The following GABRA3 variants were observed in gnomAD, a reference collection of about 807,000 sequenced individuals.
GABRA3 encodes the protein gamma-aminobutyric acid receptor subunit alpha-3.
A neutral mutation model predicts 30.1 loss-of-function variants in GABRA3; 10 were observed. The observed-to-expected ratio is 0.33, with a 90% CI of 0.20 to 0.56. The LOEUF is 0.56. Among genes scored for constraint, GABRA3 ranks in the 20% least tolerant of loss-of-function variants. The pLI is 0.89. For missense variants in GABRA3, 233 were observed against 392.0 expected (o/e 0.59, Z 3.42); for synonymous variants, 151 against 146.8 (o/e 1.03, Z -0.21).
At chrX:152,320,586 G>T (rs751726381) in intron 3 of GABRA3, among the ~76,000 whole-genome samples, 1 of 111,250 alleles carries the variant, frequency 9.0e-6, no homozygotes, top group East Asian at 2.8e-4. Context: ...GGGTGGAAGG[G>T]AGTGAGGAAT....
At chrX:152,345,094 G>C (rs1237432207) in intron 3 of GABRA3, among the ~76,000 whole-genome samples, 2 of 111,091 alleles carry the variant, frequency 1.8e-5, no homozygotes, top group Admixed American at 9.7e-5. Context: ...TCAGGGTTTT[G>C]AAAACAAAGG....
chrX:152,196,112 C>T (rs1937381531), intron 8 of GABRA3, among the ~76,000 whole-genome samples: 1 of 108,429 alleles, frequency 9.2e-6, no homozygotes, highest in Non-Finnish European at 1.9e-5. Context: ...CGGCCGGGTG[C>T]TGTGGCTCAC....
chrX:152,361,571 CAAAAAAAA>C (rs35341591), intron 2 of GABRA3, among the ~76,000 whole-genome samples: 1 of 35,007 alleles, frequency 2.9e-5, no homozygotes, highest in East Asian at 7.8e-4. Flanking sequence ...GACTCCATCT[CAAAAAAAA>C]AAAAAAAAAA....
At chrX:152,292,235 T>A (rs1489653342) in intron 3 of GABRA3, among the ~76,000 whole-genome samples, 1 of 111,766 alleles carries the variant, frequency 8.9e-6, no homozygotes, top group Admixed American at 9.5e-5. Flanking sequence ...TGTTCCTGGT[T>A]TAGTCTTGGG....
intron 1 of GABRA3, among the ~76,000 whole-genome samples, chrX:152,406,760 T>C (rs749946307): frequency 1.0e-4 from 11 of 110,216 alleles, no homozygotes; most frequent in South Asian, 3.8e-4. Context: ...CTGGACATAA[T>C]AGACATTTGC....
chrX:152,418,645 T>G (rs1374101391), intron 1 of GABRA3, among the ~76,000 whole-genome samples: 4 of 110,940 alleles, frequency 3.6e-5, no homozygotes, highest in African/African-American at 1.3e-4. Context: ...CCGAAGAAAG[T>G]AGAAAGAACA....
chrX:152,200,081 C>T (rs1320035627), intron 7 of GABRA3, among the ~76,000 whole-genome samples: 1 of 111,948 alleles, frequency 8.9e-6, no homozygotes. Context: ...CTTATTAAAA[C>T]GTAAGTCAGA....
At chrX:152,229,384 G>T (rs1242715754) in intron 5 of GABRA3, among the ~76,000 whole-genome samples, 2 of 110,989 alleles carry the variant, frequency 1.8e-5, no homozygotes, top group Non-Finnish European at 3.8e-5. Context: ...CCCTGCATCT[G>T]CACCCTTCTC....
At chrX:152,366,251 C>T (rs11796856) in intron 1 of GABRA3, among the ~76,000 whole-genome samples, 11,963 of 111,323 alleles carry the variant, frequency 0.11, 511 homozygotes, top group South Asian at 0.13. Flanking sequence ...CAGATAATCA[C>T]GATACATGAA....
intron 1 of GABRA3, among the ~76,000 whole-genome samples, chrX:152,444,677 A>G (rs1363127284): frequency 1.9e-5 from 2 of 107,041 alleles, no homozygotes; most frequent in Non-Finnish European, 3.8e-5. Flanking sequence ...GGTCACTTAC[A>G]TAATTCCATC....
At chrX:152,239,078 GT>G (rs1334481134) in intron 5 of GABRA3, among the ~76,000 whole-genome samples, 4 of 104,265 alleles carry the variant, frequency 3.8e-5, no homozygotes, top group Non-Finnish European at 5.9e-5. Flanking sequence ...TCTTTTAATT[GT>G]GATGTTAGGG....
chrX:152,264,700 G>A (rs1938791245), intron 4 of GABRA3, among the ~76,000 whole-genome samples: 1 of 110,928 alleles, frequency 9.0e-6, no homozygotes, highest in African/African-American at 3.3e-5. Flanking sequence ...AAAATACAGT[G>A]GGTGAATGGA....
intron 4 of GABRA3, among the ~76,000 whole-genome samples, chrX:152,276,486 C>T (rs1603231489): frequency 9.0e-6 from 1 of 111,122 alleles, no homozygotes; most frequent in Non-Finnish European, 1.9e-5. Context: ...AATGTGCAAG[C>T]CCTAACAAAC....
intron 3 of GABRA3, among the ~76,000 whole-genome samples, chrX:152,332,661 C>T (rs775564949): frequency 8.9e-6 from 1 of 111,847 alleles, no homozygotes; most frequent in Admixed American, 9.5e-5. Context: ...CTGGAACAAC[C>T]GGCAGAGAAC....
chrX:152,424,934 T>C (rs1486516493), intron 1 of GABRA3, among the ~76,000 whole-genome samples: 15 of 90,586 alleles, frequency 1.7e-4, no homozygotes, highest in East Asian at 6.9e-4. Flanking sequence ...TTTTCTTTTT[T>C]TTTTTTTTTT....
chrX:152,208,721 C>T (rs1486061367), intron 6 of GABRA3, among the ~76,000 whole-genome samples: 4 of 111,130 alleles, frequency 3.6e-5, no homozygotes, highest in African/African-American at 9.8e-5. Flanking sequence ...TTTCAACGAG[C>T]CTTGCACCGC....
chrX:152,329,031 T>C (rs1260990662), intron 3 of GABRA3, among the ~76,000 whole-genome samples: 1 of 111,890 alleles, frequency 8.9e-6, no homozygotes, highest in Admixed American at 9.5e-5. Context: ...TGTGCAACAA[T>C]CACAGGCATT....
intron 4 of GABRA3, among the ~76,000 whole-genome samples, chrX:152,277,631 T>C (rs1427542452): frequency 8.9e-6 from 1 of 111,887 alleles, no homozygotes; most frequent in East Asian, 2.8e-4. Flanking sequence ...ATGTAATCAA[T>C]TCCTTCCTTG....
intron 4 of GABRA3, among the ~76,000 whole-genome samples, chrX:152,269,702 A>C (rs1216998407): frequency 1.8e-5 from 2 of 112,029 alleles, no homozygotes; most frequent in Non-Finnish European, 3.8e-5. Flanking sequence ...TTTACAGAAA[A>C]TTCCTCTCCA....
Sources: gnomAD v4.1 joint callset for allele counts (sites outside exome capture counted in the v4.1 genomes callset) on GRCh38, gnomAD v4.1.1 for gene constraint, MANE v1.5 for transcripts, NCBI Gene and HGNC (gene_info 2026-07-23, HGNC 2026-07-21) for gene names.